TMTC2: variants seen among roughly 807,000 people sequenced by gnomAD.
TMTC2 encodes protein O-mannosyl-transferase TMTC2.
TMTC2 carries 43 observed loss-of-function variants against 82.4 expected under a neutral mutation model. The ratio of observed to expected loss-of-function variants is 0.52; its 90% CI spans 0.41 to 0.67. The LOEUF is 0.67. Among genes scored for constraint, TMTC2 ranks in the 30% least tolerant of loss-of-function variants. The probability of loss-of-function intolerance (pLI) is 0.00; values close to 1 mark genes in which losing one functional copy is unlikely to be tolerated. For synonymous variants in TMTC2, 408 were observed against 381.9 expected (o/e 1.07, Z -0.80); for missense variants, 919 against 1,012.4 (o/e 0.91, Z 1.25).
chr12:82,694,366 T>C (rs796764469), intron 1 of TMTC2, among the ~76,000 whole-genome samples: 8 of 152,322 alleles, frequency 5.3e-5, no homozygotes, highest in African/African-American at 1.9e-4. Flanking sequence ...CATTTTATTG[T>C]GGAATTAAAT....
At chr12:82,836,381 C>T (rs1253031756) in intron 1 of TMTC2, among the ~76,000 whole-genome samples, 1 of 152,102 alleles carries the variant, frequency 6.6e-6, no homozygotes, top group Non-Finnish European at 1.5e-5. Flanking sequence ...AGTGCATTCA[C>T]AAAGATCCTT....
At chr12:82,696,962 A>ATG (rs1872820744) in intron 1 of TMTC2, among the ~76,000 whole-genome samples, 2 of 147,200 alleles carry the variant, frequency 1.4e-5, no homozygotes, top group African/African-American at 5.0e-5. Context: ...ATACATACAT[A>ATG]CGTATATATA....
intron 11 of TMTC2, among the ~76,000 whole-genome samples, chr12:83,131,470 T>C (rs1885254224): frequency 6.6e-6 from 1 of 152,216 alleles, no homozygotes; most frequent in Non-Finnish European, 1.5e-5. Context: ...TTGAAAATTC[T>C]ATGAGAATTA....
Position 82,894,771 on chromosome 12 carries a change from T to G in TMTC2, c.655-1047T>G, listed in dbSNP as rs186735487. 2.4e-3 allele frequency among the ~76,000 whole-genome samples: 371 copies of G among 152,210 alleles called. 1 individual carries two copies. The highest frequency in any genetic ancestry group is 8.5e-3 in the African/African-American group (354 of 41,542). Reference sequence around the variant, plus strand: ...ACAATTTTTTGTCATTCTCTTGAAATAAGTTAGTTCATTATTAAAGAAGTC... The same window carrying G: ...ACAATTTTTTGTCATTCTCTTGAAAGAAGTTAGTTCATTATTAAAGAAGTC... On this transcript the variant is annotated intron_variant, in intron 2 of 11. Coordinates refer to ENST00000321196, the MANE Select transcript of TMTC2 (RefSeq NM_152588.3).
At chr12:82,787,382 T>A (rs1488735824) in intron 1 of TMTC2, among the ~76,000 whole-genome samples, 1 of 152,096 alleles carries the variant, frequency 6.6e-6, no homozygotes, top group Non-Finnish European at 1.5e-5. Context: ...TGTAATGAGG[T>A]TTAGACTTTA....
intron 8 of TMTC2, among the ~76,000 whole-genome samples, chr12:83,007,423 T>C (rs1458568485): frequency 6.6e-6 from 1 of 152,196 alleles, no homozygotes; most frequent in African/African-American, 2.4e-5. Context: ...TTTCCTCTCC[T>C]AGTGTATCAA....
intron 8 of TMTC2, among the ~76,000 whole-genome samples, chr12:83,006,763 C>T (rs1184092283): frequency 6.6e-6 from 1 of 152,170 alleles, no homozygotes. Context: ...CCATGGAATG[C>T]TATGCAGCCA....
intron 2 of TMTC2, among the ~76,000 whole-genome samples, chr12:82,893,189 G>T (rs1229152310): frequency 6.6e-6 from 1 of 151,864 alleles, no homozygotes; most frequent in Non-Finnish European, 1.5e-5. Context: ...GGCCAACATG[G>T]TGCAACCCCG....
chr12:82,805,313 T>TA (rs1478293754), intron 1 of TMTC2, among the ~76,000 whole-genome samples: 2 of 152,034 alleles, frequency 1.3e-5, no homozygotes, highest in Non-Finnish European at 2.9e-5. Flanking sequence ...GCTAAGAACA[T>TA]AAAGTACTTT....
chr12:82,937,207 A>G (rs1359145676), intron 4 of TMTC2, among the ~76,000 whole-genome samples: 4 of 152,234 alleles, frequency 2.6e-5, no homozygotes, highest in Non-Finnish European at 4.4e-5. Context: ...CACAGATCTG[A>G]AAACTAGAAA....
At chr12:83,115,453 T>G (rs1276551207) in intron 11 of TMTC2, among the ~76,000 whole-genome samples, 3 of 152,190 alleles carry the variant, frequency 2.0e-5, no homozygotes, top group Non-Finnish European at 4.4e-5. Flanking sequence ...TAAATTCTAC[T>G]TATTTTTATC....
intron 8 of TMTC2, among the ~76,000 whole-genome samples, chr12:83,002,966 T>C (rs1231466749): frequency 1.3e-5 from 2 of 152,124 alleles, no homozygotes; most frequent in Non-Finnish European, 2.9e-5. Context: ...TGTTTTGTTT[T>C]GTTTTTTAGT....
chr12:82,954,981 T>TACA (rs1877539244), intron 4 of TMTC2, among the ~76,000 whole-genome samples: 1 of 152,238 alleles, frequency 6.6e-6, no homozygotes, highest in Admixed American at 6.5e-5. Context: ...TGCTTTTCTG[T>TACA]AGTATATCTT....
intron 1 of TMTC2, among the ~76,000 whole-genome samples, chr12:82,730,225 G>A (rs1874714778): frequency 7.1e-6 from 1 of 141,658 alleles, no homozygotes; most frequent in Non-Finnish European, 1.5e-5. Context: ...AACCCAGGAG[G>A]CAGAGGTTGC....
At chr12:83,044,560 TAGG>T (rs1046440793) in intron 9 of TMTC2, among the ~76,000 whole-genome samples, 2 of 152,148 alleles carry the variant, frequency 1.3e-5, no homozygotes, top group African/African-American at 4.8e-5. Context: ...GGGCACTATT[TAGG>T]AGGTTATTGC....
At chr12:83,087,863 G>A (rs2137514384) in intron 11 of TMTC2, among the ~76,000 whole-genome samples, 1 of 152,336 alleles carries the variant, frequency 6.6e-6, no homozygotes, top group South Asian at 2.1e-4. Context: ...TAATCAGTGA[G>A]CACTGGCATC....
At position 82,965,620 on chromosome 12, in the gene TMTC2, G is replaced by T; in HGVS notation, c.1745G>T (p.Arg582Leu). ...MNQGRTEEAR[R>L]TFLKCSEIPD... is the part of the protein sequence containing the mutation. ...CAAGGAAGGACGGAAGAAGCCCGAC[G>T]GACATTCTTAAAGTGTTCGGAGATC... The change falls in exon 6 of 12, where the codon CGG becomes CTG. Residue 582 changes from arginine to leucine, a missense_variant. Coordinates refer to ENST00000321196, the MANE Select transcript of TMTC2 (RefSeq NM_152588.3). 1 of 1,613,728 alleles carries T rather than the reference G, an allele frequency of 6.2e-7. No individual in the cohort carries two copies. The highest frequency in any genetic ancestry group is 8.5e-7 in the Non-Finnish European group (1 of 1,179,744).
chr12:82,767,657 A>C (rs888294067), intron 1 of TMTC2, among the ~76,000 whole-genome samples: 1 of 151,930 alleles, frequency 6.6e-6, no homozygotes, highest in South Asian at 2.1e-4. Flanking sequence ...CCTTTACTGA[A>C]TATTGGTTTC....
chr12:82,942,534 A>G (rs927608394), intron 4 of TMTC2, among the ~76,000 whole-genome samples: 1 of 152,198 alleles, frequency 6.6e-6, no homozygotes, highest in African/African-American at 2.4e-5. Context: ...AAAAATTTTG[A>G]AAGTAAAAAG....
Sources: gnomAD v4.1 joint callset for allele counts (sites outside exome capture counted in the v4.1 genomes callset) on GRCh38, gnomAD v4.1.1 for gene constraint, MANE v1.5 for transcripts, NCBI Gene and HGNC (gene_info 2026-07-23, HGNC 2026-07-21) for gene names.